The following PARD3 variants were observed in gnomAD, a reference collection of about 807,000 sequenced individuals.
PARD3 encodes the protein partitioning defective 3 homolog.
PARD3 carries 75 observed loss-of-function variants against 155.4 expected under a neutral mutation model. The ratio of observed to expected loss-of-function variants is 0.48; its 90% CI spans 0.40 to 0.58. The LOEUF (loss-of-function observed/expected upper bound fraction) is 0.58, where lower values mean the gene tolerates loss of function less well. PARD3 is among the 20% of genes least tolerant of loss of function. The pLI, the probability that PARD3 is intolerant of heterozygous loss-of-function variation, is 0.00. For missense variants in PARD3, 1,642 were observed against 1,721.7 expected (o/e 0.95, Z 0.82); for synonymous variants, 576 against 610.5 (o/e 0.94, Z 0.83).
intron 2 of PARD3, among the ~76,000 whole-genome samples, chr10:34,588,286 C>T (rs2088295657): frequency 6.6e-6 from 1 of 152,184 alleles, no homozygotes; most frequent in Non-Finnish European, 1.5e-5. Context: ...CCTGCTGGCA[C>T]GCAGAGCTCA....
intron 5 of PARD3, among the ~76,000 whole-genome samples, chr10:34,402,517 T>G (rs1843999421): frequency 6.6e-6 from 1 of 152,202 alleles, no homozygotes; most frequent in African/African-American, 2.4e-5. Context: ...ATCGACTGAT[T>G]ATTTAGAGGT....
At chr10:34,123,043 T>G (rs879736946) in intron 23 of PARD3, among the ~76,000 whole-genome samples, 3 of 152,188 alleles carry the variant, frequency 2.0e-5, no homozygotes, top group Non-Finnish European at 4.4e-5. Context: ...CTGTAATAAC[T>G]CTGGAGATTC....
At chr10:34,564,184 T>C (rs147853362) in intron 2 of PARD3, among the ~76,000 whole-genome samples, 5 of 152,346 alleles carry the variant, frequency 3.3e-5, no homozygotes, top group Non-Finnish European at 7.3e-5. Context: ...AAATGTTACA[T>C]GTGCATATAA....
intron 1 of PARD3, among the ~76,000 whole-genome samples, chr10:34,709,131 A>C (rs2094412926): frequency 6.6e-6 from 1 of 152,196 alleles, no homozygotes; most frequent in African/African-American, 2.4e-5. Flanking sequence ...CAGATTTTGG[A>C]ATATTTACAT....
intron 2 of PARD3, among the ~76,000 whole-genome samples, chr10:34,526,676 AC>A (rs1280234126): frequency 1.3e-5 from 2 of 152,112 alleles, no homozygotes; most frequent in East Asian, 3.9e-4. Context: ...TTGTCTCCAT[AC>A]CCACACACCA....
At chr10:34,585,519 T>C (rs1246898594) in intron 2 of PARD3, among the ~76,000 whole-genome samples, 1 of 150,922 alleles carries the variant, frequency 6.6e-6, no homozygotes, top group Non-Finnish European at 1.5e-5. Context: ...CCACTTTTTC[T>C]AATTTTTCTT....
chr10:34,476,385 G>A (rs1412172368), intron 3 of PARD3, among the ~76,000 whole-genome samples: 2 of 152,066 alleles, frequency 1.3e-5, no homozygotes, highest in Non-Finnish European at 2.9e-5. Context: ...TGCCCCTCAG[G>A]TCCTGGGCAC....
chr10:34,163,322 G>C (rs1365753109), intron 22 of PARD3, among the ~76,000 whole-genome samples: 2 of 152,196 alleles, frequency 1.3e-5, no homozygotes, highest in Admixed American at 6.5e-5. Flanking sequence ...ATCCAAGCTG[G>C]AGGAACCAGA....
intron 3 of PARD3, among the ~76,000 whole-genome samples, chr10:34,507,146 C>T (rs2081120460): frequency 6.6e-6 from 1 of 152,122 alleles, no homozygotes; most frequent in Admixed American, 6.6e-5. Flanking sequence ...TTTTTAAATG[C>T]CAATACAGCT....
chr10:34,259,074 A>T (rs1454216513), intron 22 of PARD3, among the ~76,000 whole-genome samples: 1 of 152,080 alleles, frequency 6.6e-6, no homozygotes, highest in Non-Finnish European at 1.5e-5. Context: ...TCTCTAAAAA[A>T]AAAGGATAGT....
In PARD3 at chr10:34,384,224, C is replaced by T; in HGVS notation, c.921G>A (p.Glu307=). 1 of 1,613,670 alleles carries T rather than the reference C, an allele frequency of 6.2e-7. No individual in the cohort carries two copies. Among genetic ancestry groups the T allele is most frequent in the Non-Finnish European group, 8.5e-7 (1 of 1,179,762 alleles). The change falls in exon 8 of 25, where the codon GAG becomes GAA. Residue 307 remains glutamate, a synonymous_variant. Transcript: ENST00000374788. ...TTTCATGTTCAGCTTTACCACCTTTCTCCAATCGTTTTACTAATAACCCCA... is the reference window on the plus strand; with the variant it reads ...TTTCATGTTCAGCTTTACCACCTTTTTCCAATCGTTTTACTAATAACCCCA... ...RTLGLLVKRL[E]KGGKAEHENL...
chr10:34,171,759 A>G (rs1335687541), intron 22 of PARD3, among the ~76,000 whole-genome samples: 1 of 151,706 alleles, frequency 6.6e-6, no homozygotes, highest in African/African-American at 2.4e-5. Flanking sequence ...AGACCAGCCT[A>G]GCCAATATGG....
chr10:34,583,764 T>C (rs563482158), intron 2 of PARD3, among the ~76,000 whole-genome samples: 10 of 152,338 alleles, frequency 6.6e-5, no homozygotes, highest in Admixed American at 6.5e-4. Context: ...GTATTGATCT[T>C]ATGTTAAAGT....
At chr10:34,137,752 AC>A (rs1399077285) in intron 22 of PARD3, among the ~76,000 whole-genome samples, 1 of 152,144 alleles carries the variant, frequency 6.6e-6, no homozygotes, top group Non-Finnish European at 1.5e-5. Flanking sequence ...TATGAATCCA[AC>A]CTGCAGCTTA....
chr10:34,110,798 G>C lies in PARD3; in HGVS notation c.*371C>G. 6.0e-6 allele frequency: 1 copy of C among 165,858 alleles called. No individual in the cohort carries two copies. The highest frequency in any genetic ancestry group is 1.3e-5 in the Non-Finnish European group (1 of 77,386). The allele number at this position is 165,858 out of a possible 1,614,324, so 10.3% of individuals were successfully genotyped here. A position where few individuals can be genotyped will look rare whatever the true frequency, so the allele number is the denominator to read the frequency against. On this transcript the variant is annotated 3_prime_UTR_variant, in exon 25 of 25. Coordinates refer to ENST00000374788, the MANE Select transcript of PARD3 (RefSeq NM_001184785.2). ...CTAAGAGAACTTAGAGGGAGAAACAGGGCCGCACGTCATCCTCCACTTCAG... is the reference window on the plus strand; with the variant it reads ...CTAAGAGAACTTAGAGGGAGAAACACGGCCGCACGTCATCCTCCACTTCAG...
intron 1 of PARD3, among the ~76,000 whole-genome samples, chr10:34,716,580 C>CTTT (rs202195983): frequency 5.5e-5 from 6 of 109,438 alleles, no homozygotes; most frequent in Non-Finnish European, 1.1e-4. Flanking sequence ...CCCAGGATGG[C>CTTT]TTTTCTTTTT....
At chr10:34,465,913 T>A (rs2077980959) in intron 4 of PARD3, among the ~76,000 whole-genome samples, 1 of 152,132 alleles carries the variant, frequency 6.6e-6, no homozygotes, top group Non-Finnish European at 1.5e-5. Context: ...CTAGCTGGCC[T>A]CTTTATTCAC....
intron 22 of PARD3, among the ~76,000 whole-genome samples, chr10:34,209,964 A>G (rs1348705054): frequency 6.6e-6 from 1 of 152,220 alleles, no homozygotes; most frequent in Non-Finnish European, 1.5e-5. Flanking sequence ...AATCTTACCT[A>G]GTGGAGATGA....
intron 2 of PARD3, among the ~76,000 whole-genome samples, chr10:34,668,037 C>T (rs952441495): frequency 2.6e-5 from 4 of 152,202 alleles, no homozygotes. Flanking sequence ...AGGATGGATA[C>T]GGATTGTCCT....
Sources: allele counts gnomAD v4.1 joint callset (sites outside exome capture counted in the v4.1 genomes callset), GRCh38; gene constraint gnomAD v4.1.1; transcripts MANE v1.5; gene names NCBI Gene and HGNC (gene_info 2026-07-23, HGNC 2026-07-21).